EMCN: variants seen among roughly 807,000 people sequenced by gnomAD.
EMCN encodes the protein MUC-14.
EMCN carries 37 observed loss-of-function variants against 38.4 expected under a neutral mutation model. That is an observed-to-expected ratio of 0.96 (90% CI 0.74 to 1.27). The LOEUF is 1.27. EMCN is among the 50% of genes most tolerant of loss of function. EMCN has a pLI of 0.00. For synonymous variants in EMCN, 95 were observed against 100.8 expected (o/e 0.94, Z 0.35); for missense variants, 318 against 302.8 (o/e 1.05, Z -0.37).
chr4:100,475,669 T>A (rs896805326), intron 2 of EMCN, among the ~76,000 whole-genome samples: 3,405 of 107,086 alleles, frequency 0.032, 489 homozygotes, highest in African/African-American at 0.12. Context: ...CTTTTTTTTT[T>A]TTTTTTTTTT....
At chr4:100,489,303 A>T (rs1359823006) in intron 1 of EMCN, among the ~76,000 whole-genome samples, 1 of 152,166 alleles carries the variant, frequency 6.6e-6, no homozygotes, top group South Asian at 2.1e-4. Context: ...GCTATTCCTA[A>T]TCATTATGAA....
chr4:100,468,063 C>A (rs188122379), intron 3 of EMCN, among the ~76,000 whole-genome samples: 37 of 152,230 alleles, frequency 2.4e-4, no homozygotes, highest in African/African-American at 8.4e-4. Flanking sequence ...ATGTTTAAAT[C>A]GTAGCTTTTG....
intron 1 of EMCN, among the ~76,000 whole-genome samples, chr4:100,505,515 G>A (rs1729459901): frequency 6.6e-6 from 1 of 152,150 alleles, no homozygotes; most frequent in Non-Finnish European, 1.5e-5. Context: ...CGGTTAACAA[G>A]GATGACCAGT....
chr4:100,450,608 T>C (rs1396321391), intron 4 of EMCN, among the ~76,000 whole-genome samples: 2 of 151,964 alleles, frequency 1.3e-5, no homozygotes, highest in Non-Finnish European at 2.9e-5. Context: ...TTTCTCCATA[T>C]GGCATTGACT....
In EMCN at chr4:100,398,936, T is replaced by C. The variant is rs139333453; in HGVS notation, c.*40-563A>G. Among the ~76,000 whole-genome samples, 216 of 152,256 alleles carry C rather than the reference T, an allele frequency of 1.4e-3. 1 individual carries two copies. Among genetic ancestry groups the C allele is most frequent in the African/African-American group, 4.9e-3 (204 of 41,552 alleles). On this transcript the variant is annotated intron_variant, in intron 11 of 11. Coordinates refer to ENST00000296420, the MANE Select transcript of EMCN (RefSeq NM_016242.4). Reference sequence around the variant, plus strand: ...TATCAAGCACAAATCTCATATTCCTTTTCTGATTAAAGTCCTTAACTGTAC... The same window carrying C: ...TATCAAGCACAAATCTCATATTCCTCTTCTGATTAAAGTCCTTAACTGTAC...
intron 5 of EMCN, among the ~76,000 whole-genome samples, chr4:100,437,284 T>TGTAGGG: frequency 6.6e-6 from 1 of 152,150 alleles, no homozygotes; most frequent in East Asian, 1.9e-4. Context: ...CTATTTGTCT[T>TGTAGGG]TCTACATTTG....
chr4:100,488,351 T>C (rs1328501427), intron 1 of EMCN, among the ~76,000 whole-genome samples: 2 of 152,216 alleles, frequency 1.3e-5, no homozygotes, highest in African/African-American at 2.4e-5. Context: ...CAAAAGGGAA[T>C]TGTGTATTTT....
At chr4:100,493,098 G>A (rs1456777755) in intron 1 of EMCN, among the ~76,000 whole-genome samples, 1 of 152,110 alleles carries the variant, frequency 6.6e-6, no homozygotes, top group African/African-American at 2.4e-5. Context: ...TCTACCATTA[G>A]GTTATGTTCC....
intron 3 of EMCN, among the ~76,000 whole-genome samples, chr4:100,467,703 A>G (rs1279429012): frequency 6.8e-6 from 1 of 147,508 alleles, no homozygotes; most frequent in Non-Finnish European, 1.5e-5. Context: ...AAAAAAAAAG[A>G]TATGAGAATC....
At chr4:100,479,845 A>T (rs60988328) in intron 2 of EMCN, 72 bp downstream of exon 2, 6 of 1,227,100 alleles carry the variant, frequency 4.9e-6, no homozygotes, top group South Asian at 4.6e-5. Flanking sequence ...TTATTTTTTC[A>T]TACTGATGTA....
At chr4:100,421,506 G>C (rs1315796998) in intron 7 of EMCN, 129 bp from the exon 8 acceptor site, 12 of 712,120 alleles carry the variant, frequency 1.7e-5, no homozygotes, top group Non-Finnish European at 2.9e-5. Context: ...ACATATTTTA[G>C]GCAAAGATTC....
chr4:100,482,981 T>G (rs1211967082), intron 1 of EMCN, among the ~76,000 whole-genome samples: 16 of 152,276 alleles, frequency 1.1e-4, no homozygotes, highest in Admixed American at 1.0e-3. Flanking sequence ...CTCAACATCC[T>G]TAAACATATT....
Position 100,475,659 on chromosome 4 carries a change from C to CTGTTTTTTTTTTTTTTTTTTTTTTTT in EMCN, c.188-551_188-550insAAAAAAAAAAAAAAAAAAAAAAAACA, listed in dbSNP as rs1560631485. 8.3e-5 allele frequency among the ~76,000 whole-genome samples: 5 copies of CTGTTTTTTTTTTTTTTTTTTTTTTTT among 60,314 alleles called. 2 individuals carry two copies. Among genetic ancestry groups the CTGTTTTTTTTTTTTTTTTTTTTTTTT allele is most frequent in the Non-Finnish European group, 5.6e-5 (2 of 35,536 alleles). The allele number at this position is 60,314 out of a possible 152,430, so 39.6% of individuals were successfully genotyped here. On this transcript the variant is annotated intron_variant, in intron 2 of 11. Coordinates refer to ENST00000296420, the MANE Select transcript of EMCN (RefSeq NM_016242.4). The stretch of plus-strand genomic sequence containing the variant: ...TTGAGGGCAGTATCCAATTCTAGTC[C>CTGTTTTTTTTTTTTTTTTTTTTTTTT]TTTTTTTTTTTTTTTTTTTTTTTTT...
At position 100,459,586 on chromosome 4, in the gene EMCN, C is replaced by T. The variant is rs549558433; in HGVS notation, c.376+5837G>A. On this transcript the variant is annotated intron_variant, in intron 4 of 11. Coordinates refer to ENST00000296420, the MANE Select transcript of EMCN (RefSeq NM_016242.4). ...TTCTCATTCCCACCCTACCCAACTC[C>T]CCACCTCCAGCTTCTAGTAACTACC... Among the ~76,000 whole-genome samples, 82 of 152,174 alleles carry T rather than the reference C, an allele frequency of 5.4e-4. 1 individual carries two copies. Among genetic ancestry groups the T allele is most frequent in the Middle Eastern group, 3.4e-3 (1 of 294 alleles).
intron 11 of EMCN, among the ~76,000 whole-genome samples, chr4:100,408,218 G>A (rs1461638268): frequency 6.6e-6 from 1 of 152,088 alleles, no homozygotes; most frequent in Admixed American, 6.6e-5. Context: ...TTCTATTTCT[G>A]TAATTTCATC....
chr4:100,416,006 T>G, intron 9 of EMCN, 47 bp from the exon 10 acceptor site: 1 of 1,229,322 alleles, frequency 8.1e-7, no homozygotes, highest in Admixed American at 2.3e-5. Flanking sequence ...TAATCAGCAT[T>G]GTATGTTTGT....
intron 7 of EMCN, among the ~76,000 whole-genome samples, chr4:100,422,315 C>T (rs1043229337): frequency 2.6e-5 from 4 of 151,968 alleles, no homozygotes; most frequent in African/African-American, 7.2e-5. Flanking sequence ...AATGAAGATG[C>T]CGTGAATCAG....
chr4:100,426,174 T>C (rs535921846), intron 5 of EMCN, among the ~76,000 whole-genome samples: 45 of 152,220 alleles, frequency 3.0e-4, no homozygotes, highest in African/African-American at 1.1e-3. Context: ...AAGGCACCTG[T>C]GATTGCTATA....
intron 11 of EMCN, among the ~76,000 whole-genome samples, chr4:100,404,833 T>C (rs1285124736): frequency 6.6e-6 from 1 of 152,176 alleles, no homozygotes; most frequent in East Asian, 1.9e-4. Context: ...ATATTGATTC[T>C]TCCAATCCAT....
Sources: gnomAD v4.1 joint callset for allele counts (sites outside exome capture counted in the v4.1 genomes callset) on GRCh38, gnomAD v4.1.1 for gene constraint, MANE v1.5 for transcripts, NCBI Gene and HGNC (gene_info 2026-07-23, HGNC 2026-07-21) for gene names.